Variants in PARPBP observed in about 807,000 individuals in gnomAD.
PARPBP encodes the protein PARP1 binding protein.
In PARPBP, 52 loss-of-function variants were observed where a neutral mutation model predicts 50.0. The ratio of observed to expected loss-of-function variants is 1.04; its 90% confidence interval spans 0.83 to 1.31. The LOEUF is 1.31. Ranked by LOEUF, PARPBP falls within the 50% of genes most tolerant of loss-of-function variation. PARPBP has a pLI of 0.00. For synonymous variants in PARPBP, 244 were observed against 232.1 expected, an observed-to-expected ratio of 1.05 and a Z score of -0.47; for missense variants, 697 against 672.0, an observed-to-expected ratio of 1.04 and a Z score of -0.41.
intron 4 of PARPBP, chr12:102,155,285 A>C (rs143742691): frequency 0.022 from 3,426 of 153,440 alleles, 114 homozygotes; most frequent in African/African-American, 0.067. Flanking sequence ...TCCATCTCAA[A>C]AAAAAACAAA....
chr12:102,125,670 G>C (rs1451323031), intron 2 of PARPBP, among the ~76,000 whole-genome samples: 2 of 152,168 alleles, frequency 1.3e-5, no homozygotes, highest in African/African-American at 4.8e-5. Flanking sequence ...CTATAAGCCA[G>C]GCATTGTGAT....
intron 6 of PARPBP, among the ~76,000 whole-genome samples, chr12:102,171,290 T>C (rs553380592): frequency 1.3e-5 from 2 of 152,270 alleles, no homozygotes; most frequent in South Asian, 2.1e-4. Context: ...TATACTATTA[T>C]ATTACTGGCA....
In PARPBP at chr12:102,197,344, G is replaced by T; in HGVS notation, c.*1053G>T. On this transcript the variant is annotated 3_prime_UTR_variant, in exon 11 of 11. Transcript: ENST00000327680. ...GAAAAAACACTTTCAGATAAGAGGT[G>T]TTTGCTGGGATGGAAGAACTACCTG... The T allele has an allele frequency of 1.2e-6, 1 of 813,344 alleles. No individual in the cohort carries two copies. The allele number at this position is 813,344 out of a possible 1,614,324, so 50.4% of individuals were successfully genotyped here. A position where few individuals can be genotyped will look rare whatever the true frequency, so the allele number is the denominator to read the frequency against.
At chr12:102,126,759 G>T (rs1036567872) in intron 2 of PARPBP, among the ~76,000 whole-genome samples, 2 of 152,202 alleles carry the variant, frequency 1.3e-5, no homozygotes, top group Non-Finnish European at 2.9e-5. Flanking sequence ...CTGGCCGACA[G>T]AGCGAGACTC....
chr12:102,128,894 A>G (rs1882423765), intron 2 of PARPBP, among the ~76,000 whole-genome samples: 2 of 152,308 alleles, frequency 1.3e-5, no homozygotes, highest in South Asian at 2.1e-4. Context: ...AAACTTTCAT[A>G]CTGTAATGCT....
chr12:102,196,608 A>G lies in PARPBP; in HGVS notation c.*317A>G. The stretch of plus-strand genomic sequence containing the variant: ...GGCTTCTCCTCCCATTGGCAATTAA[A>G]TGCTTTTATTTTCTTCTGAAAAGAT... On this transcript the variant is annotated 3_prime_UTR_variant, in exon 11 of 11. Transcript: ENST00000327680. The G allele has an allele frequency of 2.1e-6, 3 of 1,442,470 alleles. No homozygotes were observed. Among genetic ancestry groups the G allele is most frequent in the Non-Finnish European group, 2.9e-6 (3 of 1,024,560 alleles). The allele number at this position is 1,442,470 out of a possible 1,614,324, so 89.4% of individuals were successfully genotyped here.
chr12:102,196,409 A>G lies in PARPBP; in HGVS notation c.*118A>G, dbSNP rs192575626. The G allele has an allele frequency of 6.5e-6, 5 of 768,554 alleles. No homozygotes were observed. Among genetic ancestry groups the G allele is most frequent in the Admixed American group, 5.4e-5 (2 of 36,770 alleles). The allele number at this position is 768,554 out of a possible 1,614,324, so 47.6% of individuals were successfully genotyped here. ...GATTTATTATTTTGGTCTACAGTGT[A>G]TGTAAGGTTAGTATGTTAAGCATTG... is the stretch of plus-strand genomic sequence containing the variant. On this transcript the variant is annotated 3_prime_UTR_variant, in exon 11 of 11. Coordinates refer to ENST00000327680, the MANE Select transcript of PARPBP (RefSeq NM_017915.5).
chr12:102,179,834 A>G (rs1212581027), intron 8 of PARPBP, among the ~76,000 whole-genome samples: 1 of 152,202 alleles, frequency 6.6e-6, no homozygotes, highest in Non-Finnish European at 1.5e-5. Context: ...ACTTTGAGAA[A>G]CATTAAAATT....
At chr12:102,180,428 C>T (rs1267699874) in intron 8 of PARPBP, among the ~76,000 whole-genome samples, 1 of 152,136 alleles carries the variant, frequency 6.6e-6, no homozygotes, top group Admixed American at 6.5e-5. Flanking sequence ...CTAGGCCAGG[C>T]ATGGTGTCTT....
intron 9 of PARPBP, among the ~76,000 whole-genome samples, chr12:102,188,923 A>G (rs1288984681): frequency 1.3e-5 from 2 of 152,166 alleles, no homozygotes; most frequent in African/African-American, 4.8e-5. Context: ...TGGTTAGTAG[A>G]AGACCAGACA....
At chr12:102,161,620 A>T (rs545733685) in intron 4 of PARPBP, among the ~76,000 whole-genome samples, 6 of 152,250 alleles carry the variant, frequency 3.9e-5, no homozygotes, top group African/African-American at 1.4e-4. Context: ...AGGAGGATTA[A>T]GAAACGTTAT....
intron 9 of PARPBP, among the ~76,000 whole-genome samples, chr12:102,183,465 T>G (rs1890025347): frequency 6.6e-6 from 1 of 152,182 alleles, no homozygotes; most frequent in African/African-American, 2.4e-5. Context: ...TATACCCATT[T>G]AGTTTATTTA....
chr12:102,195,464 G>T lies in PARPBP; in HGVS notation c.1399+17G>T. 1 of 1,559,306 alleles carries T rather than the reference G, an allele frequency of 6.4e-7. No homozygotes were observed. The highest frequency in any genetic ancestry group is 1.2e-5 in the South Asian group (1 of 83,706). ...ACCTTTCTGGTAATTGACCTTATTT[G>T]TGCAATTAAATAACAATTTAATTCT... On this transcript the variant is annotated intron_variant, in intron 10 of 10. Transcript: ENST00000327680.
At chr12:102,181,721 G>A (rs897312497) in intron 8 of PARPBP, among the ~76,000 whole-genome samples, 2 of 152,244 alleles carry the variant, frequency 1.3e-5, no homozygotes, top group Non-Finnish European at 2.9e-5. Context: ...ATTTTGGTTT[G>A]TAAGTGTCTT....
chr12:102,171,024 C>T (rs1228301560), intron 6 of PARPBP, among the ~76,000 whole-genome samples: 2 of 150,970 alleles, frequency 1.3e-5, no homozygotes, highest in Non-Finnish European at 2.9e-5. Flanking sequence ...TCCACCTCCA[C>T]ATCTTGTCCC....
At chr12:102,165,193 A>G (rs1479079064) in intron 5 of PARPBP, among the ~76,000 whole-genome samples, 2 of 152,202 alleles carry the variant, frequency 1.3e-5, no homozygotes, top group Non-Finnish European at 2.9e-5. Context: ...CATTGTAAGG[A>G]CAAGCCTTTT....
intron 8 of PARPBP, among the ~76,000 whole-genome samples, chr12:102,182,249 G>A (rs1889896294): frequency 6.6e-6 from 1 of 152,142 alleles, no homozygotes; most frequent in African/African-American, 2.4e-5. Context: ...GTAAACAACT[G>A]ATACTCTGCT....
Position 102,196,272 on chromosome 12 carries a change from C to T in PARPBP, c.1721C>T (p.Thr574Ile), listed in dbSNP as rs763051485. 14 of 1,590,072 alleles carry T rather than the reference C, an allele frequency of 8.8e-6. No individual in the cohort carries two copies. In the African/African-American group the frequency reaches 1.8e-4, roughly 20 times the overall value. The change falls in exon 11 of 11, where the codon ACT (threonine) becomes ATT (isoleucine). Residue 574 changes from threonine (T) to isoleucine (I), a missense_variant. Physicochemically the swap from Thr to Ile is moderately conservative, Grantham distance 89. Transcript: ENST00000327680. Reference sequence around the variant, plus strand: ...TTGATTTCTGGCCAGGCAAAGTTAACTCAGTTTTTTAGACTATAAATTTGT... The same window carrying T: ...TTGATTTCTGGCCAGGCAAAGTTAATTCAGTTTTTTAGACTATAAATTTGT... ...DKLISGQAKLTQFFRL is the reference protein window; with the variant it reads ...DKLISGQAKLIQFFRL
rs1415528100 is a variant in PARPBP at position 102,148,222 on chromosome 12, T to G, written c.154-8T>G. On this transcript the variant is annotated splice_region_variant and splice_polypyrimidine_tract_variant and intron_variant, in intron 2 of 10. Coordinates refer to ENST00000327680, the MANE Select transcript of PARPBP (RefSeq NM_017915.5). ...TATTTTTTTTTTTTTTGGCATTATC[T>G]TTTTCAGCACAGTGGAGAATTTACA... 3 of 1,286,244 alleles carry G rather than the reference T, an allele frequency of 2.3e-6. No individual in the cohort carries two copies. Among genetic ancestry groups the G allele is most frequent in the Admixed American group, 4.5e-5 (2 of 44,834 alleles). 79.7% of individuals were successfully genotyped at this position (1,286,244 alleles called of 1,614,324 possible). A position where few individuals can be genotyped will look rare whatever the true frequency, so the allele number is the denominator to read the frequency against.
Sources: gnomAD v4.1 joint callset for allele counts (sites outside exome capture counted in the v4.1 genomes callset) on GRCh38, gnomAD v4.1.1 for gene constraint, MANE v1.5 for transcripts, NCBI Gene and HGNC (gene_info 2026-07-23, HGNC 2026-07-21) for gene names.